ASTN1: variants seen among roughly 807,000 people sequenced by gnomAD.
ASTN1 encodes the protein astrotactin-1.
ASTN1 carries 41 observed loss-of-function variants against 140.7 expected under a neutral mutation model. The ratio of observed to expected loss-of-function variants is 0.29; its 90% CI spans 0.23 to 0.38. The LOEUF (loss-of-function observed/expected upper bound fraction) is 0.38. Ranked by LOEUF, ASTN1 falls within the 10% of genes least tolerant of loss-of-function variation. The probability of loss-of-function intolerance (pLI) is 1.00; values close to 1 mark genes in which losing one functional copy is unlikely to be tolerated. For missense variants in ASTN1, 1,479 were observed against 1,678.8 expected, an observed-to-expected ratio of 0.88 and a Z score of 2.08; for synonymous variants, 640 against 652.2, an observed-to-expected ratio of 0.98 and a Z score of 0.29.
chr1:176,945,952 G>A lies in ASTN1; in HGVS notation c.2223C>T (p.Ala741=), dbSNP rs138093855. The part of the protein sequence containing the change: ...GYNNHSKEVA[A]GQVLKGTFRQ... Reference sequence around the variant, plus strand: ...TGAATGTTCCTTTCAGCACCTGTCCGGCAGCCACTTCCTTGGAATGGTTGT... The same window carrying A: ...TGAATGTTCCTTTCAGCACCTGTCCAGCAGCCACTTCCTTGGAATGGTTGT... Residue 741 remains alanine (A), a synonymous_variant, in exon 13 of 23, where the codon GCC becomes GCT. Coordinates refer to ENST00000361833, the MANE Select transcript of ASTN1 (RefSeq NM_004319.3). 2.6e-5 allele frequency: 42 copies of A among 1,612,566 alleles called. No homozygotes were observed. The highest frequency in any genetic ancestry group is 3.3e-4 in the Middle Eastern group (2 of 6,058).
chr1:176,863,549 T>G lies in ASTN1; in HGVS notation c.*735A>C, dbSNP rs1163317020. 9 of 985,318 alleles carry G rather than the reference T, an allele frequency of 9.1e-6. No homozygotes were observed. Among genetic ancestry groups the G allele is most frequent in the Non-Finnish European group, 9.6e-6 (8 of 829,932 alleles). The allele number at this position is 985,318 out of a possible 1,614,324, so 61.0% of individuals were successfully genotyped here. A position where few individuals can be genotyped will look rare whatever the true frequency, so the allele number is the denominator to read the frequency against. ...AAGGTGCAGTTGACAGATGGCATCT[T>G]GTTCCCTCTCAAAGATCATGTTGTT... On this transcript the variant is annotated 3_prime_UTR_variant, in exon 23 of 23. Transcript: ENST00000361833.
intron 5 of ASTN1, 128 bp from the exon 6 acceptor site, chr1:177,024,860 T>G (rs1676029361): frequency 2.0e-6 from 2 of 1,014,176 alleles, no homozygotes; most frequent in Non-Finnish European, 2.9e-6. Context: ...TGGAGGGAAC[T>G]GTCTCTGGCT....
intron 1 of ASTN1, among the ~76,000 whole-genome samples, chr1:177,143,684 C>G (rs1682572587): frequency 6.6e-6 from 1 of 152,094 alleles, no homozygotes; most frequent in Non-Finnish European, 1.5e-5. Flanking sequence ...TTTAAATAAA[C>G]TTTTGCTTAA....
chr1:176,953,699 T>C (rs1299198854), intron 11 of ASTN1, among the ~76,000 whole-genome samples: 2 of 152,172 alleles, frequency 1.3e-5, no homozygotes, highest in African/African-American at 2.4e-5. Context: ...GAAACCATTG[T>C]AGATAGCATG....
At chr1:176,941,340 C>G (rs1430403435) in intron 14 of ASTN1, among the ~76,000 whole-genome samples, 1 of 152,108 alleles carries the variant, frequency 6.6e-6, no homozygotes, top group Non-Finnish European at 1.5e-5. Flanking sequence ...CACTTCTTAA[C>G]AAAAATAGGT....
intron 1 of ASTN1, among the ~76,000 whole-genome samples, chr1:177,125,443 A>G (rs1681594661): frequency 6.6e-6 from 1 of 152,218 alleles, no homozygotes; most frequent in Non-Finnish European, 1.5e-5. Flanking sequence ...TGAAGTATTG[A>G]CAAAGGCCAA....
Position 176,896,837 on chromosome 1 carries a change from G to A in ASTN1, c.2672-2007C>T, listed in dbSNP as rs144539622. On this transcript the variant is annotated intron_variant, in intron 16 of 22. Transcript: ENST00000361833. ...AAGCATCACATTCTGATGAGTCTGA[G>A]AGGAACAGAATGAGTGTTCTGTGTG... is the stretch of plus-strand genomic sequence containing the variant. Among the ~76,000 whole-genome samples the A allele has an allele frequency of 2.1e-4, 32 of 152,286 alleles. No homozygotes were observed. In the East Asian group the frequency reaches 2.1e-3, roughly 10 times the overall value.
downstream of ASTN1, among the ~76,000 whole-genome samples, chr1:176,859,231 TC>T (rs1242692751): frequency 1.3e-5 from 2 of 152,162 alleles, no homozygotes; most frequent in African/African-American, 2.4e-5. Flanking sequence ...TCTCTTCTTC[TC>T]CTGGAATTCC....
intron 4 of ASTN1, 60 bp from the exon 5 acceptor site, chr1:177,029,801 C>T: frequency 3.4e-6 from 5 of 1,464,790 alleles, no homozygotes; most frequent in East Asian, 2.4e-5. Context: ...TGACACCAAA[C>T]CTTTGGGCAA....
intron 1 of ASTN1, among the ~76,000 whole-genome samples, chr1:177,123,190 G>A (rs1191657103): frequency 6.6e-6 from 1 of 152,160 alleles, no homozygotes; most frequent in East Asian, 1.9e-4. Context: ...GAGTAGAATG[G>A]ATTCATTATT....
At chr1:177,033,118 C>T (rs1303113307) in intron 2 of ASTN1, among the ~76,000 whole-genome samples, 1 of 102,882 alleles carries the variant, frequency 9.7e-6, no homozygotes, top group Non-Finnish European at 2.0e-5. Context: ...TTTGAAGAAA[C>T]AAGTCTGTGT....
At chr1:177,091,023 G>C (rs920419845) in intron 1 of ASTN1, among the ~76,000 whole-genome samples, 1 of 152,034 alleles carries the variant, frequency 6.6e-6, no homozygotes, top group Admixed American at 6.6e-5. Context: ...TGATAACAAA[G>C]GAGTGATGAG....
intron 2 of ASTN1, among the ~76,000 whole-genome samples, chr1:177,058,754 T>C (rs1240735363): frequency 3.3e-5 from 5 of 152,136 alleles, no homozygotes; most frequent in African/African-American, 1.2e-4. Context: ...GTAAGTTCTT[T>C]AGTGGTGATT....
intron 8 of ASTN1, among the ~76,000 whole-genome samples, chr1:176,968,620 A>C (rs1023964629): frequency 6.6e-6 from 1 of 152,218 alleles, no homozygotes; most frequent in Admixed American, 6.5e-5. Flanking sequence ...CAAAGGAATA[A>C]AGGGGAATTT....
intron 16 of ASTN1, among the ~76,000 whole-genome samples, chr1:176,920,017 TTTTC>T (rs1205026035): frequency 1.8e-4 from 27 of 152,326 alleles, no homozygotes; most frequent in African/African-American, 6.3e-4. Context: ...CTACTTTTCT[TTTTC>T]TTTCTTTCTT....
At chr1:176,921,845 G>T (rs1238415953) in intron 16 of ASTN1, among the ~76,000 whole-genome samples, 6 of 152,184 alleles carry the variant, frequency 3.9e-5, no homozygotes, top group African/African-American at 1.4e-4. Context: ...AGGGTGAGCT[G>T]GTGCCAGGAG....
At chr1:177,060,929 A>C (rs548797152) in intron 2 of ASTN1, 149 bp downstream of exon 2, 7 of 823,430 alleles carry the variant, frequency 8.5e-6, no homozygotes, top group Non-Finnish European at 1.2e-5. Flanking sequence ...AGGTGGATGC[A>C]TTTCCCACAA....
Position 177,032,505 on chromosome 1 carries a change from G to C in ASTN1, c.816C>G (p.Leu272=), listed in dbSNP as rs570004718. The C allele has an allele frequency of 1.1e-5, 17 of 1,613,964 alleles. No individual in the cohort carries two copies. The highest frequency in any genetic ancestry group is 6.7e-5 in the East Asian group (3 of 44,874). Residue 272 remains leucine (L), a synonymous_variant, in exon 3 of 23, where the codon CTC becomes CTG. Transcript: ENST00000361833. The part of the protein sequence containing the change: ...EDFASQVTRT[L]DSLQGCNEKS... The stretch of plus-strand genomic sequence containing the variant: ...TTTCATTGCAGCCCTGCAGGGAGTC[G>C]AGGGTGCGCGTGACCTGGCTGGCAA...
rs1286846864 is a variant in ASTN1 at position 177,064,223 on chromosome 1, A to AT, written c.284-2959dup. ...ACAGACAGCACACTTGAGTAGCTAA[A>AT]TCCATGTAGTCATTTAGGAGCTTTT... On this transcript the variant is annotated intron_variant, in intron 1 of 22. Coordinates refer to ENST00000361833, the MANE Select transcript of ASTN1 (RefSeq NM_004319.3). Among the ~76,000 whole-genome samples the AT allele has an allele frequency of 5.3e-5, 8 of 152,290 alleles. No individual in the cohort carries two copies. In the South Asian group the frequency reaches 6.2e-4, roughly 12 times the overall value.
Sources: allele counts gnomAD v4.1 joint callset (sites outside exome capture counted in the v4.1 genomes callset), GRCh38; gene constraint gnomAD v4.1.1; transcripts MANE v1.5; gene names NCBI Gene and HGNC (gene_info 2026-07-23, HGNC 2026-07-21).